Variants in CDKAL1 observed in about 807,000 individuals in gnomAD.
The protein encoded by CDKAL1 is CDKAL1 threonylcarbamoyladenosine tRNA methylthiotransferase.
In CDKAL1, 32 loss-of-function variants were observed where a neutral mutation model predicts 68.2. The ratio of observed to expected loss-of-function variants is 0.47; its 90% CI spans 0.35 to 0.63. The LOEUF is 0.63. Ranked by LOEUF, CDKAL1 falls within the 30% of genes least tolerant of loss-of-function variation. CDKAL1 has a pLI of 0.00. For missense variants in CDKAL1, 606 were observed against 696.7 expected (o/e 0.87, Z 1.47); for synonymous variants, 234 against 244.3 (o/e 0.96, Z 0.39).
At chr6:21,033,972 AAGC>A (rs35161624) in intron 11 of CDKAL1, among the ~76,000 whole-genome samples, 41,580 of 151,488 alleles carry the variant, frequency 0.27, 5,892 homozygotes, top group South Asian at 0.35. Flanking sequence ...AATAGTGAGG[AAGC>A]AGCAGCAGCA....
chr6:20,816,245 T>C (rs1777043199), intron 8 of CDKAL1, among the ~76,000 whole-genome samples: 1 of 152,042 alleles, frequency 6.6e-6, no homozygotes, highest in Non-Finnish European at 1.5e-5. Context: ...AAAGTCACAT[T>C]CACAGATTCC....
chr6:20,629,973 C>G (rs1029030947), intron 4 of CDKAL1, among the ~76,000 whole-genome samples: 4 of 152,142 alleles, frequency 2.6e-5, no homozygotes, highest in African/African-American at 9.7e-5. Flanking sequence ...CTTCTCTCAG[C>G]CTCCTTAGTA....
chr6:21,215,721 G>T (rs193163623), intron 15 of CDKAL1, among the ~76,000 whole-genome samples: 38 of 152,262 alleles, frequency 2.5e-4, no homozygotes, highest in African/African-American at 8.4e-4. Flanking sequence ...GATATCCGGT[G>T]CTTTTCTCTG....
intron 11 of CDKAL1, among the ~76,000 whole-genome samples, chr6:21,021,410 A>G (rs1260722386): frequency 6.6e-6 from 1 of 152,204 alleles, no homozygotes; most frequent in Non-Finnish European, 1.5e-5. Context: ...CAATCAATAA[A>G]TGATACCTAA....
At chr6:20,729,885 T>G (rs1772828887) in intron 5 of CDKAL1, among the ~76,000 whole-genome samples, 1 of 152,222 alleles carries the variant, frequency 6.6e-6, no homozygotes, top group Non-Finnish European at 1.5e-5. Context: ...CTGTTTCCTT[T>G]TTGCTGCTAC....
intron 4 of CDKAL1, among the ~76,000 whole-genome samples, chr6:20,646,048 ATTTTTTTTTTT>A (rs1171622769): frequency 3.4e-5 from 3 of 87,364 alleles, no homozygotes; most frequent in Non-Finnish European, 6.1e-5. Flanking sequence ...TCACGGTTAA[ATTTTTTTTTTT>A]TTTTTTTTTT....
intron 9 of CDKAL1, among the ~76,000 whole-genome samples, chr6:20,889,846 C>G (rs1303046419): frequency 6.6e-6 from 1 of 152,146 alleles, no homozygotes; most frequent in Non-Finnish European, 1.5e-5. Context: ...AATGCGGGCT[C>G]TTTTTCAGTT....
At chr6:20,949,831 C>G (rs991657126) in intron 9 of CDKAL1, among the ~76,000 whole-genome samples, 4 of 151,946 alleles carry the variant, frequency 2.6e-5, no homozygotes, top group Non-Finnish European at 5.9e-5. Flanking sequence ...ATGCAGTCTC[C>G]CAGGCTGGAG....
intron 11 of CDKAL1, among the ~76,000 whole-genome samples, chr6:21,030,000 C>A (rs1012800892): frequency 5.3e-5 from 8 of 152,098 alleles, no homozygotes; most frequent in Admixed American, 3.3e-4. Context: ...GAATATAAAT[C>A]ATTCTACTGT....
chr6:20,875,108 T>G (rs981531717), intron 9 of CDKAL1, among the ~76,000 whole-genome samples: 3 of 151,102 alleles, frequency 2.0e-5, no homozygotes, highest in East Asian at 4.0e-4. Flanking sequence ...GACCATCCTG[T>G]CTAACAAGGT....
At chr6:20,854,090 A>G (rs951981851) in intron 9 of CDKAL1, among the ~76,000 whole-genome samples, 1 of 152,236 alleles carries the variant, frequency 6.6e-6, no homozygotes, top group African/African-American at 2.4e-5. Flanking sequence ...TGAAAACCAC[A>G]TGGTCCCTGT....
At chr6:20,627,002 A>C (rs1163905032) in intron 4 of CDKAL1, among the ~76,000 whole-genome samples, 5 of 152,206 alleles carry the variant, frequency 3.3e-5, no homozygotes, top group African/African-American at 1.2e-4. Context: ...GTTTGGAAAT[A>C]CATTCTGGGT....
intron 5 of CDKAL1, among the ~76,000 whole-genome samples, chr6:20,706,839 A>C (rs951458065): frequency 3.9e-5 from 6 of 152,086 alleles, no homozygotes; most frequent in Admixed American, 2.0e-4. Flanking sequence ...ATAAAGATGA[A>C]AAGTTTGAGC....
chr6:20,915,709 TAG>T (rs1173528440), intron 9 of CDKAL1, among the ~76,000 whole-genome samples: 1 of 152,166 alleles, frequency 6.6e-6, no homozygotes, highest in East Asian at 1.9e-4. Context: ...ATATTTACAC[TAG>T]AGAAATGAAA....
At chr6:21,105,981 A>G (rs1466133697) in intron 12 of CDKAL1, among the ~76,000 whole-genome samples, 1 of 152,218 alleles carries the variant, frequency 6.6e-6, no homozygotes, top group Non-Finnish European at 1.5e-5. Flanking sequence ...AGAATTACCA[A>G]CTTAAGCTGA....
chr6:20,686,688 A>G (rs1770642994), intron 5 of CDKAL1, among the ~76,000 whole-genome samples: 1 of 152,136 alleles, frequency 6.6e-6, no homozygotes, highest in Admixed American at 6.6e-5. Flanking sequence ...TCGTGCCAAA[A>G]CGGTTGGGGG....
intron 9 of CDKAL1, among the ~76,000 whole-genome samples, chr6:20,869,012 A>G (rs1323329833): frequency 6.6e-6 from 1 of 152,224 alleles, no homozygotes. Context: ...GCGGATGTGC[A>G]GCGAGGAATA....
At chr6:20,915,002 C>G (rs1017196575) in intron 9 of CDKAL1, among the ~76,000 whole-genome samples, 1 of 151,998 alleles carries the variant, frequency 6.6e-6, no homozygotes, top group African/African-American at 2.4e-5. Context: ...AATTTACTTT[C>G]TGAAATACTA....
chr6:20,758,693 T>G lies in CDKAL1; in HGVS notation c.517+50T>G, dbSNP rs778623942. ...AGATGTATATATTTTCTGAACTACA[T>G]AGTAGAAACACCACTCAGGTAACTC... On this transcript the variant is annotated intron_variant, in intron 7 of 15. Transcript: ENST00000274695. 9.5e-6 allele frequency: 13 copies of G among 1,369,514 alleles called. No individual in the cohort carries two copies. The African/African-American group carries it at 1.7e-4, about 18-fold the overall frequency. 84.8% of individuals were successfully genotyped at this position (1,369,514 alleles called of 1,614,324 possible).
Sources: gnomAD v4.1 joint callset for allele counts (sites outside exome capture counted in the v4.1 genomes callset) on GRCh38, gnomAD v4.1.1 for gene constraint, MANE v1.5 for transcripts, NCBI Gene and HGNC (gene_info 2026-07-23, HGNC 2026-07-21) for gene names.